Variants in CACNA2D1 observed in about 807,000 individuals in gnomAD.
The protein encoded by CACNA2D1 is calcium voltage-gated channel auxiliary subunit alpha2delta 1, also known as voltage-dependent calcium channel subunit alpha-2/delta-1.
CACNA2D1 carries 53 observed loss-of-function variants against 171.5 expected under a neutral mutation model. The observed-to-expected ratio is 0.31, with a 90% CI of 0.25 to 0.39. CACNA2D1 has a LOEUF of 0.39. Among genes scored for constraint, CACNA2D1 ranks in the 10% least tolerant of loss-of-function variants. The pLI, the probability that CACNA2D1 is intolerant of heterozygous loss-of-function variation, is 1.00. For synonymous variants in CACNA2D1, 442 were observed against 443.1 expected (o/e 1.00, Z 0.03); for missense variants, 903 against 1,299.8 (o/e 0.69, Z 4.69).
chr7:82,409,210 T>A (rs2129454191), intron 1 of CACNA2D1, among the ~76,000 whole-genome samples: 1 of 152,300 alleles, frequency 6.6e-6, no homozygotes, highest in Non-Finnish European at 1.5e-5. Context: ...TCAACCAACA[T>A]TTGAGTGACT....
In CACNA2D1 at chr7:81,970,896, G is replaced by A. The variant is rs1037330854; in HGVS notation, c.2142-159C>T. On this transcript the variant is annotated intron_variant, in intron 26 of 38. Transcript: ENST00000356860. ...AATAATTTAAATATCTATTAAATTT[G>A]TACTTGAAGGATGTTTAAGGAAGAC... 2.3e-5 allele frequency: 14 copies of A among 606,218 alleles called. No individual in the cohort carries two copies. The Admixed American group carries it at 3.4e-4, about 15-fold the overall frequency. The allele number at this position is 606,218 out of a possible 1,614,324, so 37.6% of individuals were successfully genotyped here.
At chr7:82,006,600 G>C (rs1475100728) in intron 16 of CACNA2D1, among the ~76,000 whole-genome samples, 3 of 152,108 alleles carry the variant, frequency 2.0e-5, no homozygotes, top group Non-Finnish European at 4.4e-5. Flanking sequence ...TGTAGGCACA[G>C]ATAGAGTAAG....
At chr7:82,063,917 G>T (rs1209781942) in intron 9 of CACNA2D1, among the ~76,000 whole-genome samples, 1 of 150,600 alleles carries the variant, frequency 6.6e-6, no homozygotes, top group Non-Finnish European at 1.5e-5. Flanking sequence ...GGAATACAGC[G>T]GCAGGAACAT....
At chr7:82,332,545 AGAAAGAAAGAAAGAAAGAAAGAAC>A (rs1817474369) in intron 3 of CACNA2D1, among the ~76,000 whole-genome samples, 4 of 133,960 alleles carry the variant, frequency 3.0e-5, no homozygotes, top group African/African-American at 1.0e-4. Flanking sequence ...AAAGAAAGAA[AGAAAGAAAGAAAGAAAGAAAGAAC>A]GAACAGAAAA....
chr7:82,004,858 C>T (rs1268504700), intron 18 of CACNA2D1, among the ~76,000 whole-genome samples: 2 of 152,080 alleles, frequency 1.3e-5, no homozygotes, highest in Non-Finnish European at 2.9e-5. Context: ...TAATATGGTT[C>T]ATCGATGGCA....
chr7:82,159,536 TA>T (rs1272476501), intron 4 of CACNA2D1, among the ~76,000 whole-genome samples: 1 of 151,724 alleles, frequency 6.6e-6, no homozygotes, highest in African/African-American at 2.4e-5. Context: ...CATGAGATCC[TA>T]AAATAAAAGG....
At chr7:82,383,768 T>C (rs7781326) in intron 1 of CACNA2D1, among the ~76,000 whole-genome samples, 5,172 of 152,290 alleles carry the variant, frequency 0.034, 308 homozygotes, top group African/African-American at 0.12. Flanking sequence ...GTTAAGTATA[T>C]TTGATACCAA....
intron 38 of CACNA2D1, among the ~76,000 whole-genome samples, chr7:81,951,973 T>TTTTTTTTTTTTTTTG (rs1562762526): frequency 6.8e-6 from 1 of 147,648 alleles, no homozygotes; most frequent in Non-Finnish European, 1.5e-5. Context: ...CAAAGTGTTT[T>TTTTTTTTTTTTTTTG]TTTTTTTTTT....
intron 3 of CACNA2D1, among the ~76,000 whole-genome samples, chr7:82,320,415 T>C (rs1381868229): frequency 6.6e-6 from 1 of 151,978 alleles, no homozygotes; most frequent in East Asian, 1.9e-4. Flanking sequence ...TAATGCACCA[T>C]CTGTGGTTTT....
chr7:82,113,215 T>G (rs1394070929), intron 6 of CACNA2D1, among the ~76,000 whole-genome samples: 4 of 152,086 alleles, frequency 2.6e-5, no homozygotes, highest in African/African-American at 4.8e-5. Flanking sequence ...CAAAGAACTA[T>G]CAATACAAAT....
At chr7:82,088,327 T>C (rs1175746185) in intron 6 of CACNA2D1, among the ~76,000 whole-genome samples, 1 of 151,966 alleles carries the variant, frequency 6.6e-6, no homozygotes, top group Non-Finnish European at 1.5e-5. Context: ...ACAGGAAAAA[T>C]AAAACAAGGC....
intron 6 of CACNA2D1, among the ~76,000 whole-genome samples, chr7:82,107,756 G>A (rs190067529): frequency 6.6e-6 from 1 of 151,792 alleles, no homozygotes; most frequent in East Asian, 2.0e-4. Context: ...GCTAAGTTTT[G>A]TATTTTTAGT....
intron 4 of CACNA2D1, among the ~76,000 whole-genome samples, chr7:82,149,019 C>T (rs971447977): frequency 3.3e-5 from 5 of 152,158 alleles, no homozygotes; most frequent in Non-Finnish European, 5.9e-5. Context: ...CTACACATCA[C>T]TGGTTTGTTG....
chr7:82,336,256 A>G (rs917770909), intron 2 of CACNA2D1, among the ~76,000 whole-genome samples: 1 of 152,214 alleles, frequency 6.6e-6, no homozygotes, highest in Non-Finnish European at 1.5e-5. Context: ...CAGGTTCTAC[A>G]GTATGATCCC....
At chr7:82,143,302 G>A (rs370358547) in intron 4 of CACNA2D1, among the ~76,000 whole-genome samples, 11 of 152,026 alleles carry the variant, frequency 7.2e-5, no homozygotes, top group African/African-American at 2.7e-4. Context: ...GAGACAATAA[G>A]ATAATTGATA....
intron 1 of CACNA2D1, among the ~76,000 whole-genome samples, chr7:82,431,937 C>G (rs1418800337): frequency 6.7e-6 from 1 of 148,592 alleles, no homozygotes; most frequent in Non-Finnish European, 1.5e-5. Context: ...ACTAGGGAGG[C>G]TGAGGCAGGA....
At chr7:81,992,726 A>C (rs376243051) in intron 20 of CACNA2D1, among the ~76,000 whole-genome samples, 1 of 152,178 alleles carries the variant, frequency 6.6e-6, no homozygotes, top group East Asian at 1.9e-4. Context: ...AATTTTAAAC[A>C]TTATTACTAA....
In CACNA2D1 at chr7:82,394,530, T is replaced by C. The variant is rs148851589; in HGVS notation, c.96-44881A>G. On this transcript the variant is annotated intron_variant, in intron 1 of 38. Coordinates refer to ENST00000356860, the MANE Select transcript of CACNA2D1 (RefSeq NM_000722.4). The stretch of plus-strand genomic sequence containing the variant: ...TATCAACAGCCAAGAGCAGTACAAG[T>C]TTGCTTCAAAGACATTTTTTGAGAG... Among the ~76,000 whole-genome samples the C allele has an allele frequency of 4.8e-3, 737 of 152,240 alleles. 1 individual carries two copies. The highest frequency in any genetic ancestry group is 8.7e-3 in the Non-Finnish European group (591 of 68,014).
chr7:82,186,243 G>GAAGA lies in CACNA2D1; in HGVS notation c.295-15635_295-15634insTCTT, dbSNP rs1181871533. On this transcript the variant is annotated intron_variant, in intron 3 of 38. Coordinates refer to ENST00000356860, the MANE Select transcript of CACNA2D1 (RefSeq NM_000722.4). ...AAAGAGAGAGAGAGAAGGAAGGAAG[G>GAAGA]AAGGAAGGAAGAAAGGAAGGAAGGA... 6.9e-3 allele frequency among the ~76,000 whole-genome samples: 810 copies of GAAGA among 116,812 alleles called. 1 individual carries two copies. The highest frequency in any genetic ancestry group is 0.013 in the Middle Eastern group (3 of 240). The allele number at this position is 116,812 out of a possible 152,430, so 76.6% of individuals were successfully genotyped here. A position where few individuals can be genotyped will look rare whatever the true frequency, so the allele number is the denominator to read the frequency against.
Sources: gnomAD v4.1 joint callset for allele counts (sites outside exome capture counted in the v4.1 genomes callset) on GRCh38, gnomAD v4.1.1 for gene constraint, MANE v1.5 for transcripts, NCBI Gene and HGNC (gene_info 2026-07-23, HGNC 2026-07-21) for gene names.